Variants in IQGAP2 observed in about 807,000 individuals in gnomAD.
IQGAP2 encodes IQ motif containing GTPase activating protein 2.
Under a neutral mutation model 201.3 loss-of-function variants are expected in IQGAP2, and 173 were observed. That is an observed-to-expected ratio of 0.86 (90% CI 0.76 to 0.98). The LOEUF is 0.98. IQGAP2 is among the 50% of genes least tolerant of loss of function. The pLI, the probability that IQGAP2 is intolerant of heterozygous loss-of-function variation, is 0.00. For synonymous variants in IQGAP2, 675 were observed against 673.9 expected, an observed-to-expected ratio of 1.00 and a Z score of -0.03; for missense variants, 1,687 against 1,864.8, an observed-to-expected ratio of 0.90 and a Z score of 1.76.
chr5:76,598,959 CA>C (rs1232647542), intron 10 of IQGAP2, among the ~76,000 whole-genome samples: 2 of 151,464 alleles, frequency 1.3e-5, no homozygotes, highest in African/African-American at 2.4e-5. Context: ...TTGTTTTTTG[CA>C]AAAAGAAAGT....
rs757896626 is a variant in IQGAP2 at position 76,674,721 on chromosome 5, C to T, written c.3527+12C>T. Reference sequence around the variant, plus strand: ...TATCAGGAATTCAGGTGAGAGGGGCCCTTAGTTTTGGAGAAACGTGCAAGA... The same window carrying T: ...TATCAGGAATTCAGGTGAGAGGGGCTCTTAGTTTTGGAGAAACGTGCAAGA... On this transcript the variant is annotated intron_variant, in intron 27 of 35. Transcript: ENST00000274364. The T allele has an allele frequency of 6.3e-6, 10 of 1,578,544 alleles. No individual in the cohort carries two copies. The highest frequency in any genetic ancestry group is 7.8e-6 in the Non-Finnish European group (9 of 1,148,136).
chr5:76,557,729 A>G (rs968018736), intron 2 of IQGAP2, among the ~76,000 whole-genome samples: 4 of 152,242 alleles, frequency 2.6e-5, no homozygotes, highest in Admixed American at 6.5e-5. Flanking sequence ...TCATAATGTC[A>G]TAAGAATTAG....
intron 12 of IQGAP2, among the ~76,000 whole-genome samples, chr5:76,610,129 T>A (rs1451255068): frequency 8.8e-5 from 8 of 90,768 alleles, no homozygotes; most frequent in African/African-American, 3.5e-4. Context: ...TTTTTTTTTT[T>A]TTTTTTTTTT....
intron 13 of IQGAP2, among the ~76,000 whole-genome samples, chr5:76,614,898 G>A (rs1015301875): frequency 2.0e-5 from 3 of 152,114 alleles, no homozygotes; most frequent in African/African-American, 7.2e-5. Context: ...TGTGCCAAAG[G>A]CTACAGCCAT....
At chr5:76,546,870 G>A (rs1484614688) in intron 2 of IQGAP2, among the ~76,000 whole-genome samples, 1 of 152,198 alleles carries the variant, frequency 6.6e-6, no homozygotes, top group African/African-American at 2.4e-5. Flanking sequence ...GTGTGTCAGT[G>A]AAGAGGAAGA....
rs766181917 is a variant in IQGAP2 at position 76,684,305 on chromosome 5, C to T, written c.3905+388C>T. Among the ~76,000 whole-genome samples the T allele has an allele frequency of 3.5e-4, 54 of 152,150 alleles. 1 individual carries two copies. The highest frequency in any genetic ancestry group is 6.6e-4 in the Non-Finnish European group (45 of 68,038). On this transcript the variant is annotated intron_variant, in intron 30 of 35. Transcript: ENST00000274364. ...GGTATAAAATCATAATATAAAAACA[C>T]GTACCTACAATAAGACATTATGATA...
intron 3 of IQGAP2, among the ~76,000 whole-genome samples, chr5:76,569,970 A>G (rs1425658855): frequency 6.6e-6 from 1 of 152,324 alleles, no homozygotes; most frequent in South Asian, 2.1e-4. Flanking sequence ...GTAGAAAAAG[A>G]TCTTGTTAAA....
intron 17 of IQGAP2, among the ~76,000 whole-genome samples, chr5:76,641,986 T>C (rs1162767813): frequency 1.3e-5 from 2 of 152,210 alleles, no homozygotes; most frequent in Admixed American, 6.5e-5. Context: ...GGTGCTTACA[T>C]ATTTAAATTT....
intron 2 of IQGAP2, among the ~76,000 whole-genome samples, chr5:76,472,897 C>T (rs1755192933): frequency 6.6e-6 from 1 of 152,174 alleles, no homozygotes; most frequent in South Asian, 2.1e-4. Context: ...GTACTTTACT[C>T]ACAAGGATTA....
chr5:76,692,394 C>T (rs192905931), intron 30 of IQGAP2, among the ~76,000 whole-genome samples: 10 of 152,198 alleles, frequency 6.6e-5, no homozygotes, highest in African/African-American at 1.2e-4. Flanking sequence ...GCAGGTGATC[C>T]GCCCACCTCG....
At chr5:76,675,089 T>C (rs898924830) in intron 27 of IQGAP2, among the ~76,000 whole-genome samples, 5 of 152,250 alleles carry the variant, frequency 3.3e-5, no homozygotes, top group Admixed American at 2.6e-4. Flanking sequence ...TTAAAAAGTT[T>C]TCCGGTGAGG....
chr5:76,648,461 C>T (rs1561548594), intron 17 of IQGAP2, among the ~76,000 whole-genome samples: 1 of 152,182 alleles, frequency 6.6e-6, no homozygotes, highest in African/African-American at 2.4e-5. Context: ...AAGGTTCAAT[C>T]ACTTGACTGT....
chr5:76,606,602 C>T (rs2150332000), intron 12 of IQGAP2: 1 of 182,700 alleles, frequency 5.5e-6, no homozygotes, highest in East Asian at 1.3e-4. Context: ...AGCTAAATAA[C>T]TCATATTTTT....
Position 76,597,475 on chromosome 5 carries a change from C to T in IQGAP2, c.944C>T (p.Pro315Leu), listed in dbSNP as rs141913830. 1.1e-5 allele frequency: 17 copies of T among 1,613,852 alleles called. No individual in the cohort carries two copies. Among genetic ancestry groups the T allele is most frequent in the East Asian group, 8.9e-5 (4 of 44,888 alleles). The part of the protein sequence containing the change: ...AAVDHINAVI[P>L]EGDPENTLLA... Reference sequence around the variant, plus strand: ...GTGGACCATATCAATGCTGTCATTCCGGAAGGTGACCCCGAGAATACGCTG... The same window carrying T: ...GTGGACCATATCAATGCTGTCATTCTGGAAGGTGACCCCGAGAATACGCTG... The change falls in exon 10 of 36, where the codon CCG becomes CTG. Residue 315 changes from proline to leucine, a missense_variant. Physicochemically the swap from Pro to Leu is moderately conservative, Grantham distance 98. Coordinates refer to ENST00000274364, the MANE Select transcript of IQGAP2 (RefSeq NM_006633.5).
intron 5 of IQGAP2, among the ~76,000 whole-genome samples, chr5:76,580,457 A>T (rs1049064481): frequency 1.3e-4 from 20 of 152,152 alleles, no homozygotes; most frequent in African/African-American, 4.6e-4. Flanking sequence ...AACAAAACAA[A>T]ACAAACAAAC....
At chr5:76,491,556 G>A (rs146067981) in intron 2 of IQGAP2, among the ~76,000 whole-genome samples, 1,522 of 151,970 alleles carry the variant, frequency 0.01, 26 homozygotes, top group African/African-American at 0.034. Context: ...CTCCCACCTC[G>A]GCCTCCCAAA....
intron 5 of IQGAP2, among the ~76,000 whole-genome samples, chr5:76,584,347 G>A (rs1202213925): frequency 6.6e-6 from 1 of 152,112 alleles, no homozygotes. Context: ...AAATACATTT[G>A]CGATAAAAAT....
At position 76,671,280 on chromosome 5, in the gene IQGAP2, T is replaced by C. The variant is rs534696314; in HGVS notation, c.2844-479T>C. Among the ~76,000 whole-genome samples the C allele has an allele frequency of 3.3e-5, 5 of 152,124 alleles. No individual in the cohort carries two copies. The East Asian group carries it at 9.7e-4, about 30-fold the overall frequency. ...TGTCTCAAAAAGAAAAAAAGAAATATACACCTTATAAATGATTGCTTGTTT... is the reference window on the plus strand; with the variant it reads ...TGTCTCAAAAAGAAAAAAAGAAATACACACCTTATAAATGATTGCTTGTTT... On this transcript the variant is annotated intron_variant, in intron 23 of 35. Coordinates refer to ENST00000274364, the MANE Select transcript of IQGAP2 (RefSeq NM_006633.5).
intron 35 of IQGAP2, among the ~76,000 whole-genome samples, chr5:76,704,692 A>G (rs1223675415): frequency 6.6e-6 from 1 of 152,208 alleles, no homozygotes; most frequent in African/African-American, 2.4e-5. Flanking sequence ...AACCCTGGGC[A>G]TGGGACCCTG....
Sources: allele counts gnomAD v4.1 joint callset (sites outside exome capture counted in the v4.1 genomes callset), GRCh38; gene constraint gnomAD v4.1.1; transcripts MANE v1.5; gene names NCBI Gene and HGNC (gene_info 2026-07-23, HGNC 2026-07-21).